Variants in FAM24B observed in about 807,000 individuals in gnomAD.
FAM24B encodes the protein protein FAM24B.
Under a neutral mutation model 2.3 loss-of-function variants are expected in FAM24B, and 3 were observed. That is an observed-to-expected ratio of 1.29 (90% CI 0.59 to 3.32). The LOEUF is 3.32. Among genes scored for constraint, FAM24B ranks in the 30% most tolerant of loss-of-function variants. FAM24B has a pLI of 0.03. For synonymous variants in FAM24B, 36 were observed against 46.3 expected (o/e 0.78, Z 0.90); for missense variants, 98 against 117.2 (o/e 0.84, Z 0.76).
rs535364187 is a variant in FAM24B at position 122,877,253 on chromosome 10, C to T, written c.-178+2232G>A. Among the ~76,000 whole-genome samples the T allele has an allele frequency of 2.6e-5, 4 of 152,318 alleles. No individual in the cohort carries two copies. In the East Asian group the frequency reaches 7.7e-4, roughly 29 times the overall value. On this transcript the variant is annotated intron_variant, in intron 1 of 3. Coordinates refer to ENST00000368898, the MANE Select transcript of FAM24B (RefSeq NM_152644.3). ...CCTGCCTGCTACACAAAGATCATGG[C>T]ATTGTAGTAAAGAAAGAGTTTAATA...
intron 1 of FAM24B, among the ~76,000 whole-genome samples, chr10:122,864,037 G>C (rs996577158): frequency 1.3e-5 from 2 of 152,134 alleles, no homozygotes; most frequent in Non-Finnish European, 2.9e-5. Context: ...AATCACAATG[G>C]ATAAGTGGTG....
At chr10:122,871,352 C>T (rs1847895204) in intron 1 of FAM24B, among the ~76,000 whole-genome samples, 4 of 152,174 alleles carry the variant, frequency 2.6e-5, no homozygotes, top group South Asian at 2.1e-4. Context: ...GTGCAAATGG[C>T]CATACTACCC....
intron 1 of FAM24B, among the ~76,000 whole-genome samples, chr10:122,867,288 G>A (rs1169987734): frequency 6.6e-6 from 1 of 152,274 alleles, no homozygotes; most frequent in East Asian, 1.9e-4. Flanking sequence ...AAACAAAGCA[G>A]CTGGGAAGAT....
intron 1 of FAM24B, among the ~76,000 whole-genome samples, chr10:122,863,218 A>G (rs963582640): frequency 6.6e-6 from 1 of 152,220 alleles, no homozygotes; most frequent in Non-Finnish European, 1.5e-5. Context: ...ACAAAGTAAT[A>G]GCTGATATTA....
intron 1 of FAM24B, among the ~76,000 whole-genome samples, chr10:122,861,459 T>G (rs1566255710): frequency 6.6e-6 from 1 of 152,226 alleles, no homozygotes; most frequent in Non-Finnish European, 1.5e-5. Context: ...TTTGCCTCTT[T>G]GTATACATTT....
chr10:122,852,239 C>A (rs1331580357), intron 2 of FAM24B, among the ~76,000 whole-genome samples: 1 of 152,102 alleles, frequency 6.6e-6, no homozygotes, highest in African/African-American at 2.4e-5. Flanking sequence ...AAACAGCCAC[C>A]CCCAAAACTA....
chr10:122,851,747 A>G (rs1443994576), intron 2 of FAM24B, among the ~76,000 whole-genome samples: 1 of 152,208 alleles, frequency 6.6e-6, no homozygotes, highest in African/African-American at 2.4e-5. Flanking sequence ...TGGGGGAGCA[A>G]TAAATAAAAA....
intron 2 of FAM24B, among the ~76,000 whole-genome samples, chr10:122,854,674 G>C (rs1366799134): frequency 6.6e-6 from 1 of 152,208 alleles, no homozygotes. Flanking sequence ...TATTGAGAGG[G>C]ATGGGGCCAT....
intron 1 of FAM24B, among the ~76,000 whole-genome samples, chr10:122,877,807 T>C (rs909373318): frequency 2.0e-5 from 3 of 152,222 alleles, no homozygotes; most frequent in Non-Finnish European, 4.4e-5. Context: ...TTTTTCAGCT[T>C]TGAAAATAAG....
At chr10:122,857,532 G>C (rs1476474849) in intron 1 of FAM24B, among the ~76,000 whole-genome samples, 1 of 152,038 alleles carries the variant, frequency 6.6e-6, no homozygotes, top group Non-Finnish European at 1.5e-5. Context: ...CTTCACAACT[G>C]GTCATTTCTC....
At chr10:122,856,646 A>G (rs1847644429) in intron 1 of FAM24B, among the ~76,000 whole-genome samples, 1 of 152,150 alleles carries the variant, frequency 6.6e-6, no homozygotes, top group Non-Finnish European at 1.5e-5. Flanking sequence ...CAGTCTAGCC[A>G]TGCTGGGGAG....
At chr10:122,856,267 C>T (rs1425471096) in intron 1 of FAM24B, among the ~76,000 whole-genome samples, 1 of 152,242 alleles carries the variant, frequency 6.6e-6, no homozygotes, top group African/African-American at 2.4e-5. Flanking sequence ...AAACCAACTA[C>T]GATCTCTGTC....
chr10:122,851,277 AT>A (rs1847530044), intron 2 of FAM24B, among the ~76,000 whole-genome samples: 1 of 152,242 alleles, frequency 6.6e-6, no homozygotes, highest in African/African-American at 2.4e-5. Context: ...GTAAAAAAAA[AT>A]TACAATCAAA....
Position 122,868,808 on chromosome 10 carries a change from G to A in FAM24B, c.-178+10677C>T, listed in dbSNP as rs1181826842. ...GCACTAAACATGGAAAGGAACAACT[G>A]GTACCAGCCATTACAAAAACATGCC... On this transcript the variant is annotated intron_variant, in intron 1 of 3. Coordinates refer to ENST00000368898, the MANE Select transcript of FAM24B (RefSeq NM_152644.3). 3.3e-5 allele frequency among the ~76,000 whole-genome samples: 5 copies of A among 152,206 alleles called. No individual in the cohort carries two copies. The East Asian group carries it at 7.7e-4, about 23-fold the overall frequency.
chr10:122,861,115 T>C (rs575471347), intron 1 of FAM24B, among the ~76,000 whole-genome samples: 1 of 152,320 alleles, frequency 6.6e-6, no homozygotes, highest in Admixed American at 6.5e-5. Context: ...CCCACTGTCA[T>C]ACAGATTTTC....
At chr10:122,854,746 A>C (rs148005118) in intron 2 of FAM24B, among the ~76,000 whole-genome samples, 14 of 152,332 alleles carry the variant, frequency 9.2e-5, no homozygotes, top group African/African-American at 3.4e-4. Flanking sequence ...TCAACTTTGC[A>C]AAATGCGATT....
intron 2 of FAM24B, among the ~76,000 whole-genome samples, chr10:122,854,974 T>A (rs1344205046): frequency 6.6e-6 from 1 of 152,220 alleles, no homozygotes; most frequent in Non-Finnish European, 1.5e-5. Flanking sequence ...GTGAGCTCCC[T>A]ACTTGACCCA....
chr10:122,866,319 T>A (rs956458676), intron 1 of FAM24B, among the ~76,000 whole-genome samples: 2 of 152,172 alleles, frequency 1.3e-5, no homozygotes, highest in Admixed American at 1.3e-4. Flanking sequence ...TTTATCTATC[T>A]TTTCAAAGAA....
At chr10:122,872,007 C>G (rs1393636375) in intron 1 of FAM24B, among the ~76,000 whole-genome samples, 1 of 152,168 alleles carries the variant, frequency 6.6e-6, no homozygotes, top group East Asian at 1.9e-4. Flanking sequence ...AGGCAACCTA[C>G]AGAATGGGAG....
Sources: gnomAD v4.1 joint callset for allele counts (sites outside exome capture counted in the v4.1 genomes callset) on GRCh38, gnomAD v4.1.1 for gene constraint, MANE v1.5 for transcripts, NCBI Gene and HGNC (gene_info 2026-07-23, HGNC 2026-07-21) for gene names.